APELA: variants seen among roughly 807,000 people sequenced by gnomAD.
The protein encoded by APELA is apelin receptor early endogenous ligand.
chr4:164,893,757 G>A (rs1282595038), intron 2 of APELA, among the ~76,000 whole-genome samples: 1 of 151,814 alleles, frequency 6.6e-6, no homozygotes, highest in African/African-American at 2.4e-5. Context: ...TTGTTTGTTT[G>A]TTTTTTTACC....
At chr4:164,897,944 T>G (rs78024323), downstream of APELA, among the ~76,000 whole-genome samples, 12,892 of 152,200 alleles carry the variant, frequency 0.085, 1,603 homozygotes, top group African/African-American at 0.27. Flanking sequence ...AGGCAGGAGC[T>G]CAGTGGCGTG....
At chr4:164,893,292 G>C (rs1730914997) in intron 2 of APELA, among the ~76,000 whole-genome samples, 1 of 152,016 alleles carries the variant, frequency 6.6e-6, no homozygotes, top group Non-Finnish European at 1.5e-5. Context: ...AATATTCATT[G>C]TCAGTCATCT....
chr4:164,886,665 T>C (rs1478307940), intron 2 of APELA, among the ~76,000 whole-genome samples: 2 of 152,110 alleles, frequency 1.3e-5, no homozygotes, highest in Admixed American at 1.3e-4. Flanking sequence ...AAAAAGATTA[T>C]GATGCCTTAA....
At chr4:164,881,980 G>C (rs1730661846) in intron 2 of APELA, among the ~76,000 whole-genome samples, 3 of 151,950 alleles carry the variant, frequency 2.0e-5, no homozygotes, top group Non-Finnish European at 4.4e-5. Flanking sequence ...GGAGTTTGAG[G>C]CTGCAGTGAG....
chr4:164,896,518 A>G lies in APELA; in HGVS notation c.*1104A>G, dbSNP rs887795038. ...TCAGGGTGATATCTGTATCTAAAAG[A>G]TGAGTGCTCATCATCCTATTAGGCT... is the stretch of plus-strand genomic sequence containing the variant. On this transcript the variant is annotated 3_prime_UTR_variant, in exon 3 of 3. Transcript: ENST00000507152. 4.6e-5 allele frequency: 7 copies of G among 152,092 alleles called. No individual in the cohort carries two copies. Among genetic ancestry groups the G allele is most frequent in the Admixed American group, 6.6e-5 (1 of 15,264 alleles). The allele number at this position is 152,092 out of a possible 1,614,324, so 9.4% of individuals were successfully genotyped here.
In APELA at chr4:164,884,121, GAGAAAGAA is replaced by G. The variant is rs375419662; in HGVS notation, c.*1+5143_*1+5150del. Among the ~76,000 whole-genome samples the G allele has an allele frequency of 4.0e-4, 45 of 113,376 alleles. No individual in the cohort carries two copies. In the East Asian group the frequency reaches 5.3e-3, roughly 13 times the overall value. The allele number at this position is 113,376 out of a possible 152,430, so 74.4% of individuals were successfully genotyped here. On this transcript the variant is annotated intron_variant, in intron 2 of 2. Transcript: ENST00000507152. ...AGAAAGAATGAAAGAAAGAAAGAAA[GAGAAAGAA>G]AGAAAGAAAGAAAGAAAGAAAGAAA...
chr4:164,888,554 G>T (rs138038131), intron 2 of APELA, among the ~76,000 whole-genome samples: 10 of 152,152 alleles, frequency 6.6e-5, no homozygotes, highest in Non-Finnish European at 1.5e-4. Flanking sequence ...GGCTTCCTGG[G>T]CTGGTTGCTG....
chr4:164,887,513 T>A (rs957276878), intron 2 of APELA, among the ~76,000 whole-genome samples: 1 of 152,202 alleles, frequency 6.6e-6, no homozygotes, highest in African/African-American at 2.4e-5. Flanking sequence ...AATGCTCTCA[T>A]GATTTTTCTG....
intron 2 of APELA, among the ~76,000 whole-genome samples, chr4:164,889,361 C>A (rs1297691805): frequency 6.6e-6 from 1 of 151,990 alleles, no homozygotes; most frequent in Non-Finnish European, 1.5e-5. Context: ...CATATATACA[C>A]ATTATTTAAA....
intron 2 of APELA, among the ~76,000 whole-genome samples, chr4:164,893,109 G>T (rs878870216): frequency 1.3e-5 from 2 of 151,944 alleles, no homozygotes; most frequent in Admixed American, 6.6e-5. Context: ...ATTTGTTTCT[G>T]CTGTAATCAT....
chr4:164,898,395 G>A (rs576958438), downstream of APELA, among the ~76,000 whole-genome samples: 16 of 151,458 alleles, frequency 1.1e-4, no homozygotes, highest in Non-Finnish European at 1.8e-4. Flanking sequence ...CCAGCTACTC[G>A]GGAGGCTGAG....
At chr4:164,891,968 T>C (rs1225791597) in intron 2 of APELA, among the ~76,000 whole-genome samples, 1 of 152,176 alleles carries the variant, frequency 6.6e-6, no homozygotes, top group Non-Finnish European at 1.5e-5. Context: ...AATGTTGTTA[T>C]TATGAAGGGA....
At chr4:164,883,490 C>CTTTTTT (rs397945999) in intron 2 of APELA, among the ~76,000 whole-genome samples, 3 of 140,860 alleles carry the variant, frequency 2.1e-5, no homozygotes, top group Admixed American at 7.2e-5. Flanking sequence ...CTTTCTTTTT[C>CTTTTTT]TTTTTTTTTT....
intron 2 of APELA, among the ~76,000 whole-genome samples, chr4:164,888,516 G>C (rs1359979587): frequency 6.6e-6 from 1 of 152,158 alleles, no homozygotes; most frequent in Non-Finnish European, 1.5e-5. Flanking sequence ...TAACCATCTG[G>C]GACCAGCTGC....
At chr4:164,880,670 C>T (rs1308046652) in intron 2 of APELA, among the ~76,000 whole-genome samples, 1 of 152,134 alleles carries the variant, frequency 6.6e-6, no homozygotes, top group African/African-American at 2.4e-5. Flanking sequence ...AAGAGAATTC[C>T]TGCATATACA....
rs1000087907 is a variant in APELA, at chr4:164,896,378, C to T, written c.*964C>T. ...TCATCATGTAATTATAGGAACCCAA[C>T]GTTTGATTTCCTTTGAAGTTTTGTT... is the stretch of plus-strand genomic sequence containing the variant. On this transcript the variant is annotated 3_prime_UTR_variant, in exon 3 of 3. Transcript: ENST00000507152. The T allele has an allele frequency of 1.1e-4, 17 of 152,162 alleles. No homozygotes were observed. The highest frequency in any genetic ancestry group is 1.5e-4 in the Non-Finnish European group (10 of 68,030). The allele number at this position is 152,162 out of a possible 1,614,324, so 9.4% of individuals were successfully genotyped here. A position where few individuals can be genotyped will look rare whatever the true frequency, so the allele number is the denominator to read the frequency against.
intron 2 of APELA, among the ~76,000 whole-genome samples, chr4:164,894,642 C>G (rs1258533509): frequency 1.3e-5 from 2 of 152,132 alleles, no homozygotes; most frequent in Admixed American, 1.3e-4. Context: ...TGGGCTTAAG[C>G]AATCCACCTG....
intron 2 of APELA, among the ~76,000 whole-genome samples, chr4:164,892,053 G>C (rs1730892741): frequency 1.3e-5 from 2 of 152,092 alleles, no homozygotes; most frequent in Non-Finnish European, 2.9e-5. Context: ...GCTCATGCCT[G>C]TAATTCCAGC....
chr4:164,878,169 GAGAAAGAAAGAAAGAAAGAAACAGAAAAA>G (rs1560855955), intron 1 of APELA, among the ~76,000 whole-genome samples: 2 of 83,528 alleles, frequency 2.4e-5, no homozygotes, highest in Non-Finnish European at 2.4e-5. Context: ...GAAAAGAAGA[GAGAAAGAAAGAAAGAAAGAAACAGAAAAA>G]AGAAAGAAAG....
Sources: allele counts gnomAD v4.1 joint callset (sites outside exome capture counted in the v4.1 genomes callset), GRCh38; gene constraint gnomAD v4.1.1; transcripts MANE v1.5; gene names NCBI Gene and HGNC (gene_info 2026-07-23, HGNC 2026-07-21).